The following RALYL variants were observed in gnomAD, a reference collection of about 807,000 sequenced individuals.
RALYL encodes the protein RALY RNA binding protein like.
In RALYL, 29 loss-of-function variants were observed where a neutral mutation model predicts 35.1. The ratio of observed to expected loss-of-function variants is 0.83; its 90% CI spans 0.61 to 1.13. The LOEUF (loss-of-function observed/expected upper bound fraction) is 1.13, where lower values mean the gene tolerates loss of function less well. Among genes scored for constraint, RALYL ranks in the 50% most tolerant of loss-of-function variants. The probability of loss-of-function intolerance (pLI) is 0.00; values close to 1 mark genes in which losing one functional copy is unlikely to be tolerated. For synonymous variants in RALYL, 120 were observed against 127.6 expected, an observed-to-expected ratio of 0.94 and a Z score of 0.40; for missense variants, 359 against 360.4, an observed-to-expected ratio of 1.00 and a Z score of 0.03.
At chr8:84,447,621 T>C (rs868077706) in intron 1 of RALYL, among the ~76,000 whole-genome samples, 1 of 152,032 alleles carries the variant, frequency 6.6e-6, no homozygotes, top group Non-Finnish European at 1.5e-5. Flanking sequence ...TTCATTTACA[T>C]CAAAAATATT....
chr8:84,645,872 G>A (rs139969972), intron 2 of RALYL, among the ~76,000 whole-genome samples: 126 of 151,994 alleles, frequency 8.3e-4, no homozygotes, highest in African/African-American at 2.6e-3. Flanking sequence ...TCATGCTTTT[G>A]TACCTTGTCA....
At chr8:84,278,278 G>T (rs1227986509) in intron 1 of RALYL, among the ~76,000 whole-genome samples, 1 of 152,230 alleles carries the variant, frequency 6.6e-6, no homozygotes, top group African/African-American at 2.4e-5. Flanking sequence ...GCCCCTTTTA[G>T]CCACAGCTAG....
At chr8:84,683,967 G>A (rs760042451) in intron 2 of RALYL, among the ~76,000 whole-genome samples, 2 of 152,128 alleles carry the variant, frequency 1.3e-5, no homozygotes, top group African/African-American at 4.8e-5. Flanking sequence ...CTCCCAAAGT[G>A]GTGGGATTAC....
intron 1 of RALYL, among the ~76,000 whole-genome samples, chr8:84,308,796 AG>A (rs1038641128): frequency 6.6e-6 from 1 of 152,134 alleles, no homozygotes; most frequent in Non-Finnish European, 1.5e-5. Flanking sequence ...AACTATTGAA[AG>A]AAAAATGTGT....
At chr8:84,425,320 C>T (rs907767029) in intron 1 of RALYL, among the ~76,000 whole-genome samples, 9 of 152,042 alleles carry the variant, frequency 5.9e-5, no homozygotes, top group South Asian at 2.1e-4. Context: ...TTTCCAGGTG[C>T]GTCCGTCACC....
chr8:84,839,890 G>A (rs1051426769), intron 4 of RALYL, among the ~76,000 whole-genome samples: 1 of 152,204 alleles, frequency 6.6e-6, no homozygotes, highest in Non-Finnish European at 1.5e-5. Flanking sequence ...AACTCCAACA[G>A]ACCTGCAGCT....
intron 5 of RALYL, among the ~76,000 whole-genome samples, chr8:84,860,296 T>C (rs1326392763): frequency 6.6e-6 from 1 of 152,212 alleles, no homozygotes; most frequent in Non-Finnish European, 1.5e-5. Flanking sequence ...TTAGTGAACC[T>C]GTAAAACTAC....
chr8:84,488,012 C>A (rs2054836539), intron 1 of RALYL, among the ~76,000 whole-genome samples: 1 of 151,930 alleles, frequency 6.6e-6, no homozygotes, highest in African/African-American at 2.4e-5. Flanking sequence ...TTTGCATTTT[C>A]ATTAATATTG....
rs147359049 is a variant in RALYL, at chr8:84,341,098, A to G, written c.-24+156674A>G. 1.1e-4 allele frequency among the ~76,000 whole-genome samples: 16 copies of G among 146,996 alleles called. No individual in the cohort carries two copies. In the East Asian group the frequency reaches 3.2e-3, roughly 29 times the overall value. On this transcript the variant is annotated intron_variant, in intron 1 of 8. Coordinates refer to ENST00000521268, the MANE Select transcript of RALYL (RefSeq NM_173848.7). ...GCATCTTTTCATATGCTTGTTGACC[A>G]TTTGTATGTCATCTTTGGAGAAATG... is the stretch of plus-strand genomic sequence containing the variant.
At chr8:84,648,973 A>G (rs2131483506) in intron 2 of RALYL, among the ~76,000 whole-genome samples, 1 of 152,080 alleles carries the variant, frequency 6.6e-6, no homozygotes, top group African/African-American at 2.4e-5. Context: ...CCCTTTAAGC[A>G]TAACACCACA....
intron 2 of RALYL, among the ~76,000 whole-genome samples, chr8:84,732,852 C>T (rs547391114): frequency 1.7e-3 from 252 of 151,550 alleles, no homozygotes; most frequent in African/African-American, 5.6e-3. Flanking sequence ...CTCACCACCA[C>T]GCCTGGCTAA....
intron 1 of RALYL, among the ~76,000 whole-genome samples, chr8:84,470,226 C>T (rs943562026): frequency 3.9e-5 from 6 of 152,156 alleles, no homozygotes; most frequent in Admixed American, 6.5e-5. Context: ...TACACATCCA[C>T]TTGCATAGAA....
intron 2 of RALYL, among the ~76,000 whole-genome samples, chr8:84,668,878 G>A (rs1030334724): frequency 6.6e-6 from 1 of 151,948 alleles, no homozygotes; most frequent in Non-Finnish European, 1.5e-5. Flanking sequence ...AGACAATCAA[G>A]TATCCAAGAA....
chr8:84,877,896 G>A (rs1417814313), intron 7 of RALYL, among the ~76,000 whole-genome samples: 1 of 152,092 alleles, frequency 6.6e-6, no homozygotes, highest in Non-Finnish European at 1.5e-5. Context: ...AGATTGAATT[G>A]GTGATGCTTC....
Position 84,583,191 on chromosome 8 carries a change from A to C in RALYL, c.256+53614A>C, listed in dbSNP as rs564435426. On this transcript the variant is annotated intron_variant, in intron 2 of 8. Coordinates refer to ENST00000521268, the MANE Select transcript of RALYL (RefSeq NM_173848.7). ...AGTAATGTTAGTCCTCTTGTCCTTC[A>C]GTGAACATATGAACTTACTGAGATC... Among the ~76,000 whole-genome samples, 49 of 152,310 alleles carry C rather than the reference A, an allele frequency of 3.2e-4. 2 individuals carry two copies. The South Asian group carries it at 8.7e-3, about 27-fold the overall frequency.
chr8:84,821,840 GC>G (rs1433549787), intron 4 of RALYL, among the ~76,000 whole-genome samples: 1 of 152,020 alleles, frequency 6.6e-6, no homozygotes, highest in Non-Finnish European at 1.5e-5. Context: ...GCATTGAGTG[GC>G]TATATTTTGG....
In RALYL at chr8:84,814,711, A is replaced by ATCTC. The variant is rs1463166222; in HGVS notation, c.365+9910_365+9913dup. ...GAGTTGTGAAAAGAAGTTGAGTGAA[A>ATCTC]TCTCAGGTCTCTGATCTGCAACTAT... is the stretch of plus-strand genomic sequence containing the variant. On this transcript the variant is annotated intron_variant, in intron 4 of 8. Coordinates refer to ENST00000521268, the MANE Select transcript of RALYL (RefSeq NM_173848.7). Among the ~76,000 whole-genome samples the ATCTC allele has an allele frequency of 3.3e-5, 5 of 152,224 alleles. 1 individual carries two copies. Among genetic ancestry groups the ATCTC allele is most frequent in the Non-Finnish European group, 7.3e-5 (5 of 68,046 alleles).
At chr8:84,467,876 T>C (rs1176270433) in intron 1 of RALYL, among the ~76,000 whole-genome samples, 1 of 136,152 alleles carries the variant, frequency 7.3e-6, no homozygotes, top group Admixed American at 7.4e-5. Context: ...CCTGTTGAAT[T>C]GATCCCTTTA....
intron 4 of RALYL, among the ~76,000 whole-genome samples, chr8:84,844,905 G>A (rs1834280078): frequency 6.6e-6 from 1 of 152,064 alleles, no homozygotes; most frequent in South Asian, 2.1e-4. Context: ...ACTCATAGGT[G>A]GGAATTGAAC....
Sources: gnomAD v4.1 joint callset for allele counts (sites outside exome capture counted in the v4.1 genomes callset) on GRCh38, gnomAD v4.1.1 for gene constraint, MANE v1.5 for transcripts, NCBI Gene and HGNC (gene_info 2026-07-23, HGNC 2026-07-21) for gene names.